KMT2A: variants seen among roughly 807,000 people sequenced by gnomAD.
The protein encoded by KMT2A is histone-lysine N-methyltransferase 2A.
A neutral mutation model predicts 345.3 loss-of-function variants in KMT2A; 16 were observed. The observed-to-expected ratio is 0.05, with a 90% CI of 0.03 to 0.07. The LOEUF is 0.07. KMT2A is among the 10% of genes least tolerant of loss of function. The probability of loss-of-function intolerance (pLI) is 1.00; values close to 1 mark genes in which losing one functional copy is unlikely to be tolerated. For missense variants in KMT2A, 3,272 were observed against 4,841.6 expected (o/e 0.68, Z 9.62); for synonymous variants, 1,599 against 1,778.6 (o/e 0.90, Z 2.54).
At chr11:118,449,114 T>C (rs1555027980) in intron 1 of KMT2A, 1 of 152,194 alleles carries the variant, frequency 6.6e-6, no homozygotes, top group African/African-American at 2.4e-5. Context: ...AATAGGTTAA[T>C]GCCACCTAAT....
rs1555035957 is a variant in KMT2A, at chr11:118,472,575, G to A, written c.1416G>A (p.Met472Ile). Residue 472 changes from methionine (M) to isoleucine (I), a missense_variant, in exon 3 of 36, where the codon ATG becomes ATA. Around this residue, in one of 27 missense-constraint regions of KMT2A, gnomAD observed 180 missense variants for 190.7 expected, o/e 0.94. Transcript: ENST00000534358. ...CAGCTTCTCAGCACTCCTCTCAAATGTCTTCAGACTCCTCTCGATCTAGTA... is the reference window on the plus strand; with the variant it reads ...CAGCTTCTCAGCACTCCTCTCAAATATCTTCAGACTCCTCTCGATCTAGTA... ...SSAASQHSSQ[M>I]SSDSSRSSSP... The A allele has an allele frequency of 1.9e-6, 3 of 1,611,700 alleles. No individual in the cohort carries two copies. The highest frequency in any genetic ancestry group is 8.5e-7 in the Non-Finnish European group (1 of 1,179,658).
At chr11:118,475,961 A>C (rs1950030290) in intron 3 of KMT2A, among the ~76,000 whole-genome samples, 1 of 151,928 alleles carries the variant, frequency 6.6e-6, no homozygotes, top group Non-Finnish European at 1.5e-5. Flanking sequence ...GCTGGAGTGC[A>C]ATGGCGTGAT....
chr11:118,498,667 A>G lies in KMT2A; in HGVS notation c.5961+139A>G. The G allele has an allele frequency of 1.3e-6, 1 of 783,836 alleles. No homozygotes were observed. Among genetic ancestry groups the G allele is most frequent in the Non-Finnish European group, 2.0e-6 (1 of 506,782 alleles). 48.6% of individuals were successfully genotyped at this position (783,836 alleles called of 1,614,324 possible). A position where few individuals can be genotyped will look rare whatever the true frequency, so the allele number is the denominator to read the frequency against. ...CCACATATGCACAGCCTCCCCCATG[A>G]TCAGCATCCCCCACCAGAGTGGTGC... On this transcript the variant is annotated intron_variant, in intron 22 of 35. Coordinates refer to ENST00000534358, the MANE Select transcript of KMT2A (RefSeq NM_001197104.2). The surrounding 1 kb of genome is among the most constrained non-coding windows in gnomAD (Gnocchi z 4.4).
intron 1 of KMT2A, among the ~76,000 whole-genome samples, chr11:118,440,923 G>A (rs1949299950): frequency 1.3e-5 from 2 of 151,850 alleles, no homozygotes; most frequent in Admixed American, 1.3e-4. Context: ...AGTGCACGAA[G>A]CCTCCGAGTA....
At chr11:118,471,032 C>A (rs563390985) in intron 2 of KMT2A, among the ~76,000 whole-genome samples, 1 of 152,178 alleles carries the variant, frequency 6.6e-6, no homozygotes, top group South Asian at 2.1e-4. Flanking sequence ...CACATTATGT[C>A]ACTTCACTGA....
At chr11:118,499,953 C>G (rs782268821) in intron 24 of KMT2A, 40 bp downstream of exon 24, 1 of 1,310,188 alleles carries the variant, frequency 7.6e-7, no homozygotes, top group Non-Finnish European at 1.1e-6. Flanking sequence ...GCCCCACAAC[C>G]TGAACACACT....
intron 6 of KMT2A, 71 bp from the exon 7 acceptor site, chr11:118,481,644 G>A: frequency 6.8e-7 from 1 of 1,481,220 alleles, no homozygotes; most frequent in Non-Finnish European, 9.0e-7. Flanking sequence ...TCATATGGTG[G>A]CTCTGTAATT....
In KMT2A at chr11:118,483,220, T is replaced by C. The variant is rs1950168984; in HGVS notation, c.4086+725T>C. On this transcript the variant is annotated intron_variant, in intron 8 of 35. Coordinates refer to ENST00000534358, the MANE Select transcript of KMT2A (RefSeq NM_001197104.2). ...TGCACTCTAGCCTGGACAACAGAGC[T>C]AGACTCCATCCCAAAAAAAAAAAAA... Among the ~76,000 whole-genome samples the C allele has an allele frequency of 3.4e-5, 4 of 118,108 alleles. 1 individual carries two copies. The highest frequency in any genetic ancestry group is 2.8e-4 in the Admixed American group (3 of 10,772). The allele number at this position is 118,108 out of a possible 152,430, so 77.5% of individuals were successfully genotyped here.
chr11:118,477,718 G>A (rs1166591065), intron 4 of KMT2A, among the ~76,000 whole-genome samples: 1 of 151,326 alleles, frequency 6.6e-6, no homozygotes, highest in Admixed American at 6.6e-5. Context: ...TGTTGGCCAG[G>A]CTGGTCTCAA....
At chr11:118,513,946 A>T (rs1950746209) in intron 31 of KMT2A, among the ~76,000 whole-genome samples, 1 of 151,166 alleles carries the variant, frequency 6.6e-6, no homozygotes, top group Admixed American at 6.6e-5. Flanking sequence ...TCAAAAAAAA[A>T]AAAAAAAAAA....
Position 118,491,385 on chromosome 11 carries a change from C to A in KMT2A, c.4819+67C>A. 4.8e-6 allele frequency: 7 copies of A among 1,449,520 alleles called. No individual in the cohort carries two copies. The South Asian group carries it at 9.1e-5, about 19-fold the overall frequency. The allele number at this position is 1,449,520 out of a possible 1,614,324, so 89.8% of individuals were successfully genotyped here. Reference sequence around the variant, plus strand: ...ACTACATTTATTAGCCTCTAGAGCACTTTAAACCTAAAATTATGGTTGTGT... The same window carrying A: ...ACTACATTTATTAGCCTCTAGAGCAATTTAAACCTAAAATTATGGTTGTGT... On this transcript the variant is annotated intron_variant, in intron 14 of 35. Transcript: ENST00000534358. This position sits in a 1 kb window ranked among gnomAD's most constrained non-coding sequence, Gnocchi z 4.2.
In KMT2A at chr11:118,465,001, C is replaced by T. The variant is rs562017467; in HGVS notation, c.433-3774C>T. ...CATCATGGCAATGTCCCTGCTCATT[C>T]CTCTCATCAAACAAGGGCAACTTTG... On this transcript the variant is annotated intron_variant, in intron 1 of 35. Coordinates refer to ENST00000534358, the MANE Select transcript of KMT2A (RefSeq NM_001197104.2). Among the ~76,000 whole-genome samples the T allele has an allele frequency of 4.9e-4, 75 of 152,320 alleles. 1 individual carries two copies. The South Asian group carries it at 6.0e-3, about 12-fold the overall frequency.
intron 1 of KMT2A, among the ~76,000 whole-genome samples, chr11:118,451,293 C>G (rs984415586): frequency 4.0e-5 from 6 of 151,574 alleles, no homozygotes; most frequent in Non-Finnish European, 8.8e-5. Flanking sequence ...CTCACTGCAG[C>G]CTCAAACTCC....
intron 1 of KMT2A, among the ~76,000 whole-genome samples, chr11:118,441,695 C>G (rs144499971): frequency 6.6e-6 from 1 of 152,316 alleles, no homozygotes; most frequent in African/African-American, 2.4e-5. Context: ...ATGGTTTATA[C>G]TGAGCATTAG....
At position 118,490,164 on chromosome 11, in the gene KMT2A, A is replaced by T. The variant is rs112836014; in HGVS notation, c.4611A>T (p.Gly1537=). The T allele has an allele frequency of 2.5e-6, 4 of 1,609,740 alleles. No individual in the cohort carries two copies. Among genetic ancestry groups the T allele is most frequent in the Non-Finnish European group, 3.4e-6 (4 of 1,178,976 alleles). ...CTKCVRCKSC[G]STTPGKGWDA... is the part of the protein sequence containing the mutation. ...AGTGTGTTCGCTGTAAGAGCTGTGG[A>T]TCCACAACTCCAGGCAAAGGGTGGG... Residue 1537 remains glycine, a synonymous_variant, in exon 13 of 36, where the codon GGA becomes GGT. Transcript: ENST00000534358. The surrounding 1 kb of genome is among the most constrained non-coding windows in gnomAD (Gnocchi z 4.2).
chr11:118,514,913 G>A (rs894519588), intron 31 of KMT2A, among the ~76,000 whole-genome samples: 6 of 152,172 alleles, frequency 3.9e-5, no homozygotes, highest in Admixed American at 6.5e-5. Context: ...GATTACAGGC[G>A]TGAGCCACCA....
At position 118,521,100 on chromosome 11, in the gene KMT2A, C is replaced by A; in HGVS notation, c.11514-188C>A. Reference sequence around the variant, plus strand: ...AAATATTACTGCTTCCAGCGGGTCACAGAATGGAAATAACTTTCATCTTTG... The same window carrying A: ...AAATATTACTGCTTCCAGCGGGTCAAAGAATGGAAATAACTTTCATCTTTG... On this transcript the variant is annotated intron_variant, in intron 34 of 35. Coordinates refer to ENST00000534358, the MANE Select transcript of KMT2A (RefSeq NM_001197104.2). This position sits in a 1 kb window ranked among gnomAD's most constrained non-coding sequence, Gnocchi z 5.3. 1 of 682,466 alleles carries A rather than the reference C, an allele frequency of 1.5e-6. No individual in the cohort carries two copies. The highest frequency in any genetic ancestry group is 2.5e-6 in the Non-Finnish European group (1 of 397,672). The allele number at this position is 682,466 out of a possible 1,614,324, so 42.3% of individuals were successfully genotyped here.
Position 118,477,850 on chromosome 11 carries a change from G to T in KMT2A, c.3335-117G>T, listed in dbSNP as rs1445967214. ...AACATTTAAATAATTATTTAAAATA[G>T]ATTCTGAGTTCTGTATATAAATATT... is the stretch of plus-strand genomic sequence containing the variant. On this transcript the variant is annotated intron_variant, in intron 4 of 35. Coordinates refer to ENST00000534358, the MANE Select transcript of KMT2A (RefSeq NM_001197104.2). 5.7e-6 allele frequency: 4 copies of T among 700,670 alleles called. No homozygotes were observed. The East Asian group carries it at 8.3e-5, about 15-fold the overall frequency. The allele number at this position is 700,670 out of a possible 1,614,324, so 43.4% of individuals were successfully genotyped here. A position where few individuals can be genotyped will look rare whatever the true frequency, so the allele number is the denominator to read the frequency against.
At position 118,498,562 on chromosome 11, in the gene KMT2A, A is replaced by G. The variant is rs2134368866; in HGVS notation, c.5961+34A>G. ...GCTTTAGTTGCTTTAAAAAAAAAAA[A>G]AAAGACTTTTTTAGAGCAGTTTTAG... On this transcript the variant is annotated intron_variant, in intron 22 of 35. Coordinates refer to ENST00000534358, the MANE Select transcript of KMT2A (RefSeq NM_001197104.2). This position sits in a 1 kb window ranked among gnomAD's most constrained non-coding sequence, Gnocchi z 4.4. 1 of 1,566,354 alleles carries G rather than the reference A, an allele frequency of 6.4e-7. No homozygotes were observed. Among genetic ancestry groups the G allele is most frequent in the Non-Finnish European group, 8.6e-7 (1 of 1,163,844 alleles).
Sources: allele counts gnomAD v4.1 joint callset (sites outside exome capture counted in the v4.1 genomes callset), GRCh38; gene constraint gnomAD v4.1.1; regional missense constraint gnomAD v4.1.1; non-coding constraint Gnocchi (gnomAD v3.1); transcripts MANE v1.5; gene names NCBI Gene and HGNC (gene_info 2026-07-23, HGNC 2026-07-21).